RXFP1: variants seen among roughly 807,000 people sequenced by gnomAD.
The protein encoded by RXFP1 is relaxin family peptide receptor 1.
A neutral mutation model predicts 89.8 loss-of-function variants in RXFP1; 73 were observed. The ratio of observed to expected loss-of-function variants is 0.81; its 90% CI spans 0.67 to 0.99. The LOEUF (loss-of-function observed/expected upper bound fraction) is 0.99, where lower values mean the gene tolerates loss of function less well. RXFP1 is among the 50% of genes least tolerant of loss of function. The pLI is 0.00. For missense variants in RXFP1, 793 were observed against 895.5 expected (o/e 0.89, Z 1.46); for synonymous variants, 277 against 305.5 (o/e 0.91, Z 0.97).
chr4:158,551,930 A>G (rs1750236200), intron 1 of RXFP1, among the ~76,000 whole-genome samples: 1 of 152,232 alleles, frequency 6.6e-6, no homozygotes, highest in African/African-American at 2.4e-5. Flanking sequence ...TGACACAGTG[A>G]GACCTTGTTA....
In RXFP1 at chr4:158,544,599, A is replaced by C. The variant is rs76274152; in HGVS notation, c.49+22574A>C. Among the ~76,000 whole-genome samples the C allele has an allele frequency of 3.6e-3, 544 of 149,560 alleles. 1 individual carries two copies. The highest frequency in any genetic ancestry group is 0.013 in the African/African-American group (511 of 40,468). ...ATACCCTAATGCTATCCCTCCCCCT[A>C]CCCCTACCCCCCAACAGTCCCTGGA... On this transcript the variant is annotated intron_variant, in intron 1 of 17. Transcript: ENST00000307765.
In RXFP1 at chr4:158,544,447, T is replaced by A. The variant is rs888198628; in HGVS notation, c.49+22422T>A. ...TAATTGACCTTCATCTTTTTTTTTT[T>A]AATTTTATTTTATTATTATACTTTA... On this transcript the variant is annotated intron_variant, in intron 1 of 17. Coordinates refer to ENST00000307765, the MANE Select transcript of RXFP1 (RefSeq NM_021634.4). 414 of 526,674 alleles carry A rather than the reference T, an allele frequency of 7.9e-4. 1 individual carries two copies. Among genetic ancestry groups the A allele is most frequent in the South Asian group, 1.7e-3 (20 of 11,814 alleles). The allele number at this position is 526,674 out of a possible 1,614,324, so 32.6% of individuals were successfully genotyped here.
At chr4:158,529,989 A>G (rs1487179546) in intron 1 of RXFP1, among the ~76,000 whole-genome samples, 3 of 152,138 alleles carry the variant, frequency 2.0e-5, no homozygotes, top group Non-Finnish European at 4.4e-5. Context: ...GTTCATGGAC[A>G]TTTTTGGCCG....
intron 1 of RXFP1, among the ~76,000 whole-genome samples, chr4:158,545,331 T>C (rs1748016172): frequency 6.6e-6 from 1 of 152,224 alleles, no homozygotes; most frequent in Non-Finnish European, 1.5e-5. Context: ...TTGACTTCAT[T>C]GTAGATTCTG....
chr4:158,599,537 G>C, intron 4 of RXFP1, 106 bp downstream of exon 4: 1 of 935,374 alleles, frequency 1.1e-6, no homozygotes, highest in Non-Finnish European at 1.5e-6. Context: ...ATTCAAAGAT[G>C]ATGTCATTTT....
intron 1 of RXFP1, among the ~76,000 whole-genome samples, chr4:158,552,426 C>T (rs1181052256): frequency 1.3e-5 from 2 of 152,098 alleles, no homozygotes; most frequent in Non-Finnish European, 2.9e-5. Context: ...TGAATGTGAA[C>T]TCGTGATTAT....
At chr4:158,588,507 A>G (rs1758743630) in intron 2 of RXFP1, among the ~76,000 whole-genome samples, 1 of 152,166 alleles carries the variant, frequency 6.6e-6, no homozygotes, top group Non-Finnish European at 1.5e-5. Context: ...CCCGCCCCCA[A>G]CACAGCTGCC....
intron 4 of RXFP1, among the ~76,000 whole-genome samples, chr4:158,601,787 T>C (rs1761735769): frequency 1.3e-5 from 2 of 152,220 alleles, no homozygotes; most frequent in African/African-American, 4.8e-5. Context: ...GTAATGTTTA[T>C]TGAAGTTGGG....
At chr4:158,585,590 T>C (rs187208103) in intron 2 of RXFP1, among the ~76,000 whole-genome samples, 1 of 152,178 alleles carries the variant, frequency 6.6e-6, no homozygotes, top group Non-Finnish European at 1.5e-5. Context: ...GCATTTTATG[T>C]ACTTTAAACA....
intron 1 of RXFP1, among the ~76,000 whole-genome samples, chr4:158,531,164 T>A (rs1743954024): frequency 6.6e-6 from 1 of 152,010 alleles, no homozygotes; most frequent in East Asian, 1.9e-4. Context: ...GCCTCGCGAG[T>A]TGCTGGGACT....
At chr4:158,554,787 G>A (rs182369278) in intron 1 of RXFP1, among the ~76,000 whole-genome samples, 3 of 152,000 alleles carry the variant, frequency 2.0e-5, no homozygotes, top group Admixed American at 1.3e-4. Context: ...CTGGAAATAA[G>A]TCATAGAGTA....
intron 8 of RXFP1, among the ~76,000 whole-genome samples, chr4:158,615,579 G>T (rs780304216): frequency 4.0e-5 from 6 of 151,704 alleles, no homozygotes; most frequent in Non-Finnish European, 5.9e-5. Flanking sequence ...CATGGTTTGT[G>T]ACACCACAAA....
At chr4:158,568,206 A>T (rs923751849) in intron 1 of RXFP1, among the ~76,000 whole-genome samples, 1 of 152,262 alleles carries the variant, frequency 6.6e-6, no homozygotes, top group Admixed American at 6.5e-5. Flanking sequence ...GCTGCTTCTA[A>T]GAACTGTTAA....
At position 158,653,077 on chromosome 4, in the gene RXFP1, T is replaced by A. The variant is rs1411767207; in HGVS notation, c.*1022T>A. ...AAAGGTCTGTATGTACACATTTCAC[T>A]TTAAGCAGAAAATCTTTCTTCAAGA... is the stretch of plus-strand genomic sequence containing the variant. On this transcript the variant is annotated 3_prime_UTR_variant, in exon 18 of 18. Transcript: ENST00000307765. 1 of 152,238 alleles carries A rather than the reference T, an allele frequency of 6.6e-6. No individual in the cohort carries two copies. The highest frequency in any genetic ancestry group is 1.5e-5 in the Non-Finnish European group (1 of 68,036). 9.4% of individuals were successfully genotyped at this position (152,238 alleles called of 1,614,324 possible). A position where few individuals can be genotyped will look rare whatever the true frequency, so the allele number is the denominator to read the frequency against.
intron 1 of RXFP1, among the ~76,000 whole-genome samples, chr4:158,532,996 C>T (rs1036229183): frequency 6.6e-6 from 1 of 152,192 alleles, no homozygotes; most frequent in Non-Finnish European, 1.5e-5. Flanking sequence ...ACCAAAGGGA[C>T]AGGGTGCTTC....
chr4:158,573,811 T>G (rs1755658812), intron 2 of RXFP1, among the ~76,000 whole-genome samples: 1 of 152,182 alleles, frequency 6.6e-6, no homozygotes, highest in Non-Finnish European at 1.5e-5. Flanking sequence ...GTGCCTATAC[T>G]CTAAGAATTC....
chr4:158,595,737 A>T (rs1760428028), intron 3 of RXFP1, among the ~76,000 whole-genome samples: 2 of 152,220 alleles, frequency 1.3e-5, no homozygotes. Context: ...AATACCACTA[A>T]CAATCTCCAG....
chr4:158,563,536 ACC>A (rs940294166), intron 1 of RXFP1, among the ~76,000 whole-genome samples: 3 of 136,584 alleles, frequency 2.2e-5, no homozygotes, highest in Admixed American at 1.5e-4. Flanking sequence ...ACACACACAC[ACC>A]CCAACAGGAA....
At chr4:158,607,025 A>G in intron 5 of RXFP1, 2 of 1,502,042 alleles carry the variant, frequency 1.3e-6, no homozygotes, top group Non-Finnish European at 1.8e-6. Context: ...AAAAGTTATA[A>G]CAAATTGCAT....
Sources: allele counts gnomAD v4.1 joint callset (sites outside exome capture counted in the v4.1 genomes callset), GRCh38; gene constraint gnomAD v4.1.1; transcripts MANE v1.5; gene names NCBI Gene and HGNC (gene_info 2026-07-23, HGNC 2026-07-21).